The following HMGCLL1 variants were observed in gnomAD, a reference collection of about 807,000 sequenced individuals.
HMGCLL1 encodes the protein 3-hydroxy-3-methylglutaryl-CoA lyase like 1.
In HMGCLL1, 36 loss-of-function variants were observed where a neutral mutation model predicts 39.1. The observed-to-expected ratio is 0.92, with a 90% CI of 0.71 to 1.22. HMGCLL1 has a LOEUF of 1.22. HMGCLL1 is among the 50% of genes most tolerant of loss of function. The pLI, the probability that HMGCLL1 is intolerant of heterozygous loss-of-function variation, is 0.00. For synonymous variants in HMGCLL1, 149 were observed against 144.0 expected, an observed-to-expected ratio of 1.03 and a Z score of -0.25; for missense variants, 451 against 416.5, an observed-to-expected ratio of 1.08 and a Z score of -0.72.
At chr6:55,553,267 G>GTGTGTA (rs1278805027) in intron 1 of HMGCLL1, among the ~76,000 whole-genome samples, 1 of 151,046 alleles carries the variant, frequency 6.6e-6, no homozygotes. Context: ...GTGTGTGTGT[G>GTGTGTA]TGTATGTATG....
upstream of HMGCLL1, among the ~76,000 whole-genome samples, chr6:55,583,854 G>A (rs1349804673): frequency 2.6e-5 from 4 of 152,084 alleles, no homozygotes; most frequent in Non-Finnish European, 5.9e-5. Flanking sequence ...GTCTCATAAC[G>A]ATATAATAAA....
chr6:55,642,810 G>A, the HMGCLL1 span, among the ~76,000 whole-genome samples: 1 of 151,856 alleles, frequency 6.6e-6, no homozygotes, highest in African/African-American at 2.4e-5. Flanking sequence ...CCCTCAAGTA[G>A]GCCTCACTGT....
chr6:55,524,508 A>T (rs1391578798), intron 3 of HMGCLL1, among the ~76,000 whole-genome samples: 1 of 149,482 alleles, frequency 6.7e-6, no homozygotes, highest in Non-Finnish European at 1.5e-5. Context: ...TGTATTCAGT[A>T]TCTAAAGTTC....
intron 7 of HMGCLL1, among the ~76,000 whole-genome samples, chr6:55,446,386 T>C (rs1422316711): frequency 6.6e-6 from 1 of 151,362 alleles, no homozygotes; most frequent in Non-Finnish European, 1.5e-5. Context: ...GTCCTTGGCT[T>C]CTCATTTTCT....
chr6:55,505,656 T>C (rs1466987572), intron 5 of HMGCLL1, among the ~76,000 whole-genome samples: 2 of 151,664 alleles, frequency 1.3e-5, no homozygotes, highest in Admixed American at 6.6e-5. Context: ...GTATTAAAAA[T>C]ACCTTCTGTA....
chr6:55,482,820 C>T (rs1036215250), intron 7 of HMGCLL1, among the ~76,000 whole-genome samples: 1 of 151,824 alleles, frequency 6.6e-6, no homozygotes, highest in Non-Finnish European at 1.5e-5. Flanking sequence ...TTTCCATATC[C>T]CGCAAGAAAA....
chr6:55,563,513 A>T (rs949084189), intron 1 of HMGCLL1, among the ~76,000 whole-genome samples: 1 of 152,126 alleles, frequency 6.6e-6, no homozygotes. Context: ...AATTAGTGAA[A>T]TATCATTATT....
chr6:55,587,404 G>C, the HMGCLL1 span, among the ~76,000 whole-genome samples: 1 of 151,962 alleles, frequency 6.6e-6, no homozygotes, highest in East Asian at 1.9e-4. Context: ...CCTTACAACA[G>C]CTCCTGAAGG....
intron 4 of HMGCLL1, among the ~76,000 whole-genome samples, chr6:55,514,829 CTT>C (rs1193457448): frequency 3.3e-5 from 5 of 152,122 alleles, no homozygotes; most frequent in African/African-American, 1.2e-4. Flanking sequence ...TTTATTCCTT[CTT>C]CCAGGCTCTC....
At chr6:55,616,666 C>G in the HMGCLL1 span, among the ~76,000 whole-genome samples, 1 of 152,116 alleles carries the variant, frequency 6.6e-6, no homozygotes, top group South Asian at 2.1e-4. Context: ...CTTACAGAAT[C>G]TAATTATTAA....
chr6:55,625,801 A>T, the HMGCLL1 span, among the ~76,000 whole-genome samples: 2 of 152,146 alleles, frequency 1.3e-5, no homozygotes, highest in African/African-American at 4.8e-5. Flanking sequence ...AGGTATGTGG[A>T]TGAGTGGTCA....
intron 3 of HMGCLL1, among the ~76,000 whole-genome samples, chr6:55,521,415 T>G (rs1231271597): frequency 1.3e-5 from 2 of 152,110 alleles, no homozygotes; most frequent in Non-Finnish European, 2.9e-5. Context: ...AGGTACTGTG[T>G]TTTTTACAAA....
At chr6:55,478,727 C>A (rs549722292) in intron 7 of HMGCLL1, among the ~76,000 whole-genome samples, 10 of 151,298 alleles carry the variant, frequency 6.6e-5, no homozygotes, top group Admixed American at 4.6e-4. Context: ...TGAAGGTCAT[C>A]GCTTGTCTTA....
chr6:55,534,598 G>C (rs1007249344), intron 3 of HMGCLL1, among the ~76,000 whole-genome samples: 5 of 152,158 alleles, frequency 3.3e-5, no homozygotes, highest in African/African-American at 1.2e-4. Flanking sequence ...CACAGGAAGA[G>C]AGAGGTGGAC....
chr6:55,576,249 A>G (rs1183659755), intron 1 of HMGCLL1, among the ~76,000 whole-genome samples: 1 of 152,220 alleles, frequency 6.6e-6, no homozygotes, highest in Non-Finnish European at 1.5e-5. Context: ...AGGGCGGAAG[A>G]TTAATTAGAA....
rs6933515 is a variant in HMGCLL1, at chr6:55,543,156, A to T, written c.109-1016T>A. Among the ~76,000 whole-genome samples the T allele has an allele frequency of 4.3e-4, 3 of 6,980 alleles. 1 individual carries two copies. The highest frequency in any genetic ancestry group is 4.0e-3 in the Admixed American group (1 of 252). The allele number at this position is 6,980 out of a possible 152,430, so 4.6% of individuals were successfully genotyped here. On this transcript the variant is annotated intron_variant, in intron 1 of 8. Coordinates refer to ENST00000274901, the MANE Select transcript of HMGCLL1 (RefSeq NM_001042406.2). Reference sequence around the variant, plus strand: ...ATATGATATATTATATATTATATATATTATATATATAATATATAATATATA... The same window carrying T: ...ATATGATATATTATATATTATATATTTTATATATATAATATATAATATATA...
At chr6:55,499,902 T>C (rs1444245206) in intron 5 of HMGCLL1, among the ~76,000 whole-genome samples, 1 of 152,034 alleles carries the variant, frequency 6.6e-6, no homozygotes, top group Non-Finnish European at 1.5e-5. Flanking sequence ...TATAAGCTTC[T>C]TTTGTAACTC....
chr6:55,644,658 T>C, the HMGCLL1 span, among the ~76,000 whole-genome samples: 3 of 151,994 alleles, frequency 2.0e-5, no homozygotes, highest in Non-Finnish European at 2.9e-5. Context: ...AGAGGCTATG[T>C]TTTCCCCAAT....
At chr6:55,466,575 A>C (rs1256911629) in intron 7 of HMGCLL1, among the ~76,000 whole-genome samples, 2 of 152,068 alleles carry the variant, frequency 1.3e-5, no homozygotes, top group African/African-American at 4.8e-5. Flanking sequence ...TCACTCATGC[A>C]AAAAGTATGC....
Sources: gnomAD v4.1 joint callset for allele counts (sites outside exome capture counted in the v4.1 genomes callset) on GRCh38, gnomAD v4.1.1 for gene constraint, MANE v1.5 for transcripts, NCBI Gene and HGNC (gene_info 2026-07-23, HGNC 2026-07-21) for gene names.